Variants in DOCK4 observed in about 807,000 individuals in gnomAD.
DOCK4 encodes the protein dedicator of cytokinesis protein 4.
A neutral mutation model predicts 268.1 loss-of-function variants in DOCK4; 97 were observed. The observed-to-expected ratio is 0.36, with a 90% confidence interval of 0.31 to 0.43. DOCK4 has a LOEUF of 0.43. Among genes scored for constraint, DOCK4 ranks in the 20% least tolerant of loss-of-function variants. The pLI is 1.00. For synonymous variants in DOCK4, 954 were observed against 887.2 expected (o/e 1.08, Z -1.34); for missense variants, 2,145 against 2,455.7 (o/e 0.87, Z 2.67).
chr7:111,921,974 A>G (rs1282231934), intron 12 of DOCK4, among the ~76,000 whole-genome samples: 1 of 152,226 alleles, frequency 6.6e-6, no homozygotes, highest in Non-Finnish European at 1.5e-5. Context: ...TCAAAGGCAA[A>G]TATGTCTGTA....
chr7:111,889,389 G>C (rs956412529), intron 16 of DOCK4, among the ~76,000 whole-genome samples: 1 of 152,042 alleles, frequency 6.6e-6, no homozygotes, highest in African/African-American at 2.4e-5. Context: ...GGGTTCACTG[G>C]GGAGCATATG....
chr7:111,936,019 T>G (rs940440856), intron 11 of DOCK4, among the ~76,000 whole-genome samples: 7 of 152,204 alleles, frequency 4.6e-5, no homozygotes, highest in African/African-American at 1.7e-4. Context: ...TTGTCTTAAT[T>G]TCCCCACCTA....
intron 30 of DOCK4, among the ~76,000 whole-genome samples, chr7:111,799,865 A>G (rs1800146606): frequency 6.6e-6 from 1 of 152,190 alleles, no homozygotes; most frequent in Non-Finnish European, 1.5e-5. Context: ...TATGGAAATT[A>G]TTTACTATGC....
At chr7:112,082,548 C>T (rs1467656658) in intron 1 of DOCK4, among the ~76,000 whole-genome samples, 4 of 152,058 alleles carry the variant, frequency 2.6e-5, no homozygotes, top group African/African-American at 7.3e-5. Flanking sequence ...AATTGTTGTT[C>T]GCTACAAAAT....
At chr7:111,889,234 A>G (rs1020846659) in intron 16 of DOCK4, among the ~76,000 whole-genome samples, 2 of 152,142 alleles carry the variant, frequency 1.3e-5, no homozygotes, top group Non-Finnish European at 2.9e-5. Flanking sequence ...AATTTCTCTC[A>G]CAGCATGTAA....
intron 1 of DOCK4, among the ~76,000 whole-genome samples, chr7:112,061,304 C>T (rs569670758): frequency 6.6e-6 from 1 of 152,292 alleles, no homozygotes; most frequent in Admixed American, 6.5e-5. Flanking sequence ...CTGCCCCACA[C>T]CCTTGAGGAT....
intron 1 of DOCK4, among the ~76,000 whole-genome samples, chr7:112,095,567 C>G (rs1034034875): frequency 1.3e-5 from 2 of 152,054 alleles, no homozygotes; most frequent in African/African-American, 2.4e-5. Flanking sequence ...GTGGTGATAA[C>G]TCTATCAAAA....
intron 32 of DOCK4, 109 bp downstream of exon 32, chr7:111,788,553 T>G: frequency 4.7e-6 from 4 of 850,722 alleles, no homozygotes; most frequent in East Asian, 2.7e-5. Context: ...AGCCCTCCTG[T>G]GAGACCTAAG....
At chr7:112,196,683 C>G (rs1820479488) in intron 1 of DOCK4, among the ~76,000 whole-genome samples, 1 of 152,116 alleles carries the variant, frequency 6.6e-6, no homozygotes, top group African/African-American at 2.4e-5. Flanking sequence ...GTCATCTTTC[C>G]AGTCATTGAG....
intron 1 of DOCK4, among the ~76,000 whole-genome samples, chr7:112,130,793 T>C (rs1813730475): frequency 6.6e-6 from 1 of 152,204 alleles, no homozygotes; most frequent in Non-Finnish European, 1.5e-5. Context: ...AAGGAACCAA[T>C]AATTCTTGAC....
chr7:111,728,244 G>A lies in DOCK4; in HGVS notation c.*30C>T, dbSNP rs915269929. The A allele has an allele frequency of 1.4e-6, 2 of 1,432,656 alleles. No homozygotes were observed. The highest frequency in any genetic ancestry group is 1.8e-6 in the Non-Finnish European group (2 of 1,086,964). The allele number at this position is 1,432,656 out of a possible 1,614,324, so 88.7% of individuals were successfully genotyped here. A position where few individuals can be genotyped will look rare whatever the true frequency, so the allele number is the denominator to read the frequency against. On this transcript the variant is annotated 3_prime_UTR_variant, in exon 53 of 53. Coordinates refer to ENST00000428084, the MANE Select transcript of DOCK4 (RefSeq NM_001363540.2). ...ACTTCTTATTTTGTAAACGGGCAAA[G>A]AATGCATCGCAGGTACATAGAAAAG...
At position 111,887,958 on chromosome 7, in the gene DOCK4, C is replaced by T. The variant is rs79474352; in HGVS notation, c.1587+7654G>A. Among the ~76,000 whole-genome samples the T allele has an allele frequency of 9.1e-4, 138 of 151,692 alleles. 3 individuals carry two copies. The East Asian group carries it at 0.024, about 26-fold the overall frequency. On this transcript the variant is annotated intron_variant, in intron 16 of 52. Coordinates refer to ENST00000428084, the MANE Select transcript of DOCK4 (RefSeq NM_001363540.2). ...TGCCCAATCCCCTGAGACAGGAAGCCGGAAGGAAAGGAAGGATGCAGATAA... is the reference window on the plus strand; with the variant it reads ...TGCCCAATCCCCTGAGACAGGAAGCTGGAAGGAAAGGAAGGATGCAGATAA...
At chr7:111,861,751 AAAAAAAAAAT>A (rs1370174352) in intron 23 of DOCK4, among the ~76,000 whole-genome samples, 2 of 141,704 alleles carry the variant, frequency 1.4e-5, no homozygotes, top group Admixed American at 1.4e-4. Context: ...GTCTCAAAAA[AAAAAAAAAAT>A]AATAATAATA....
chr7:111,728,443 C>T lies in DOCK4; in HGVS notation c.5759G>A (p.Arg1920Gln), dbSNP rs370416618. Residue 1920 changes from arginine to glutamine, a missense_variant, in exon 53 of 53, where the codon CGG becomes CAG. Arg to Gln is a conservative substitution (Grantham distance 43, BLOSUM62 1). Around this residue, in one of 2 missense-constraint regions of DOCK4, gnomAD observed 547 missense variants for 469.0 expected, o/e 1.17. Transcript: ENST00000428084. Reference protein sequence around the residue: ...PPYSVYERTLRRPVPLPHSLS... With the variant: ...PPYSVYERTLQRPVPLPHSLS... ...GCTGTGAGGTAGCGGGACGGGGCGC[C>T]GCAGAGTCCGCTCGTAGACGCTGTA... 7.5e-6 allele frequency: 12 copies of T among 1,599,596 alleles called. No homozygotes were observed. The highest frequency in any genetic ancestry group is 2.2e-5 in the South Asian group (2 of 88,988).
rs550136006 is a variant in DOCK4, at chr7:111,975,440, C to T, written c.701+1692G>A. Among the ~76,000 whole-genome samples, 23 of 152,244 alleles carry T rather than the reference C, an allele frequency of 1.5e-4. No homozygotes were observed. The South Asian group carries it at 3.5e-3, about 23-fold the overall frequency. On this transcript the variant is annotated intron_variant, in intron 8 of 52. Coordinates refer to ENST00000428084, the MANE Select transcript of DOCK4 (RefSeq NM_001363540.2). ...AACTACCCGTAAACCAGACACACTCCGACATATAAACAAATATTATCTCTA... is the reference window on the plus strand; with the variant it reads ...AACTACCCGTAAACCAGACACACTCTGACATATAAACAAATATTATCTCTA...
chr7:112,026,621 A>AT (rs1802818083), intron 1 of DOCK4, among the ~76,000 whole-genome samples: 1 of 152,234 alleles, frequency 6.6e-6, no homozygotes, highest in Non-Finnish European at 1.5e-5. Context: ...TGTGACATGT[A>AT]AAAATTATAT....
chr7:112,203,877 T>C (rs1284475012), intron 1 of DOCK4, among the ~76,000 whole-genome samples: 1 of 150,524 alleles, frequency 6.6e-6, no homozygotes, highest in East Asian at 1.9e-4. Flanking sequence ...GCCTAACAGA[T>C]GGATTCTAAA....
intron 16 of DOCK4, among the ~76,000 whole-genome samples, chr7:111,894,173 G>C (rs1808527954): frequency 6.7e-6 from 1 of 149,334 alleles, no homozygotes; most frequent in South Asian, 2.1e-4. Context: ...AGTGAGTCAA[G>C]ATTGTGCCGC....
chr7:112,201,338 T>C (rs1820916888), intron 1 of DOCK4, among the ~76,000 whole-genome samples: 1 of 152,128 alleles, frequency 6.6e-6, no homozygotes. Flanking sequence ...GATGACTGAG[T>C]GATACTCGCA....
Sources: allele counts gnomAD v4.1 joint callset (sites outside exome capture counted in the v4.1 genomes callset), GRCh38; gene constraint gnomAD v4.1.1; regional missense constraint gnomAD v4.1.1; transcripts MANE v1.5; gene names NCBI Gene and HGNC (gene_info 2026-07-23, HGNC 2026-07-21).